Variants in TXLNG observed in about 807,000 individuals in gnomAD.
TXLNG encodes gamma-taxilin.
In TXLNG, 5 loss-of-function variants were observed where a neutral mutation model predicts 38.8. The ratio of observed to expected loss-of-function variants is 0.13; its 90% CI spans 0.07 to 0.27. The LOEUF (loss-of-function observed/expected upper bound fraction) is 0.27. Ranked by LOEUF, TXLNG falls within the 10% of genes least tolerant of loss-of-function variation. The pLI is 1.00. For missense variants in TXLNG, 393 were observed against 398.2 expected (o/e 0.99, Z 0.11); for synonymous variants, 182 against 158.2 (o/e 1.15, Z -1.13).
At position 16,797,011 on chromosome X, in the gene TXLNG, C is replaced by T. The variant is rs374585728; in HGVS notation, c.102+10422C>T. 9.0e-5 allele frequency among the ~76,000 whole-genome samples: 10 copies of T among 111,484 alleles called. No individual in the cohort carries two copies. The East Asian group carries it at 2.2e-3, about 25-fold the overall frequency. On this transcript the variant is annotated intron_variant, in intron 1 of 9. Coordinates refer to ENST00000380122, the MANE Select transcript of TXLNG (RefSeq NM_018360.3). ...TTAAAAAATGAAATGAGGCTGGGCG[C>T]GGTGGCTCATGTCTGTAATCCCAGC...
Position 16,801,135 on chromosome X carries a change from C to T in TXLNG, c.102+14546C>T, listed in dbSNP as rs773891362. Among the ~76,000 whole-genome samples, 8 of 112,539 alleles carry T rather than the reference C, an allele frequency of 7.1e-5. No individual in the cohort carries two copies. In the East Asian group the frequency reaches 1.7e-3, roughly 24 times the overall value. ...ATGCTTCCTGTACAGCCAACAGAAC[C>T]GTGAGCCAGTTAAGCCTCTTTTCTT... is the stretch of plus-strand genomic sequence containing the variant. On this transcript the variant is annotated intron_variant, in intron 1 of 9. Transcript: ENST00000380122.
intron 6 of TXLNG, among the ~76,000 whole-genome samples, chrX:16,833,406 C>CA (rs1345734326): frequency 1.8e-5 from 2 of 111,747 alleles, no homozygotes; most frequent in Non-Finnish European, 3.8e-5. Flanking sequence ...GAAATGATTG[C>CA]AATAATGCAG....
At chrX:16,787,704 C>CT (rs1478772509) in intron 1 of TXLNG, among the ~76,000 whole-genome samples, 1 of 111,659 alleles carries the variant, frequency 9.0e-6, no homozygotes, top group Non-Finnish European at 1.9e-5. Context: ...AACCCCATCT[C>CT]TTTTTTTCCT....
chrX:16,843,482 C>T lies in TXLNG; in HGVS notation c.*1716C>T, dbSNP rs1428044331. 1 of 111,935 alleles carries T rather than the reference C, an allele frequency of 8.9e-6. No individual in the cohort carries two copies. Among genetic ancestry groups the T allele is most frequent in the Non-Finnish European group, 1.9e-5 (1 of 53,178 alleles). 9.2% of individuals were successfully genotyped at this position (111,935 alleles called of 1,213,427 possible). On this transcript the variant is annotated 3_prime_UTR_variant, in exon 10 of 10. Transcript: ENST00000380122. ...GCAAAAAACACCACCCTCCAACAGC[C>T]TCTTAGGAGTACACCCTGTTCTGCT...
At chrX:16,831,357 G>C (rs1277759870) in intron 5 of TXLNG, among the ~76,000 whole-genome samples, 2 of 112,499 alleles carry the variant, frequency 1.8e-5, no homozygotes, top group African/African-American at 6.5e-5. Context: ...CACCACCACT[G>C]TACTCATGGC....
intron 1 of TXLNG, among the ~76,000 whole-genome samples, chrX:16,802,486 G>A (rs1371048274): frequency 1.8e-5 from 2 of 109,451 alleles, no homozygotes; most frequent in African/African-American, 6.7e-5. Context: ...CCTGACCTCA[G>A]GTGATCCGTC....
intron 1 of TXLNG, among the ~76,000 whole-genome samples, chrX:16,802,078 C>T (rs1172872545): frequency 5.7e-5 from 6 of 105,847 alleles, no homozygotes; most frequent in African/African-American, 3.5e-5. Flanking sequence ...CTCAGCCTCC[C>T]GAGTAGCTGG....
At chrX:16,818,335 A>C (rs192773135) in intron 1 of TXLNG, among the ~76,000 whole-genome samples, 1 of 111,929 alleles carries the variant, frequency 8.9e-6, no homozygotes, top group East Asian at 2.8e-4. Context: ...TTTATAACTA[A>C]ATGGGTTTCT....
At chrX:16,787,600 G>T (rs999047028) in intron 1 of TXLNG, among the ~76,000 whole-genome samples, 1 of 110,420 alleles carries the variant, frequency 9.1e-6, no homozygotes, top group African/African-American at 3.3e-5. Context: ...GAGCTCAGTG[G>T]GTGGAGTTTG....
chrX:16,813,637 CAAAA>C (rs150200590), intron 1 of TXLNG, among the ~76,000 whole-genome samples: 1 of 44,258 alleles, frequency 2.3e-5, no homozygotes. Context: ...ACCTCGTCTC[CAAAA>C]AAAAAAAAAA....
chrX:16,839,807 A>T lies in TXLNG; in HGVS notation c.1153-14A>T. 1.8e-6 allele frequency: 2 copies of T among 1,119,087 alleles called. No individual in the cohort carries two copies. The highest frequency in any genetic ancestry group is 2.4e-6 in the Non-Finnish European group (2 of 820,479). 92.2% of individuals were successfully genotyped at this position (1,119,087 alleles called of 1,213,427 possible). On this transcript the variant is annotated splice_polypyrimidine_tract_variant and intron_variant, in intron 8 of 9. Coordinates refer to ENST00000380122, the MANE Select transcript of TXLNG (RefSeq NM_018360.3). ...AAGGGAACTTAGAATTTAAATGTGC[A>T]ATTGTATTCACAGATGACAAAGAAA...
In TXLNG at chrX:16,834,286, T is replaced by C; in HGVS notation, c.988T>C (p.Leu330=). ...CCAGAATGTTTCTGTTTTCTAGTTATTAAAAGAAGCGACAGAATCGAGGCA... is the reference window on the plus strand; with the variant it reads ...CCAGAATGTTTCTGTTTTCTAGTTACTAAAAGAAGCGACAGAATCGAGGCA... The part of the protein sequence containing the change: ...EKHQREREFL[L]KEATESRHKY... Residue 330 remains leucine, a synonymous_variant, in exon 7 of 10, where the codon TTA becomes CTA. Coordinates refer to ENST00000380122, the MANE Select transcript of TXLNG (RefSeq NM_018360.3). 8.3e-7 allele frequency: 1 copy of C among 1,205,811 alleles called. No homozygotes were observed. The highest frequency in any genetic ancestry group is 1.8e-5 in the South Asian group (1 of 55,499).
chrX:16,795,956 G>GT (rs1482360873), intron 1 of TXLNG, among the ~76,000 whole-genome samples: 5 of 108,808 alleles, frequency 4.6e-5, no homozygotes, highest in Non-Finnish European at 7.6e-5. Context: ...GGGATTACAG[G>GT]TATGCGCCAC....
chrX:16,841,534 TG>T lies in TXLNG; in HGVS notation c.1357del (p.Glu453LysfsTer3). ...GAAAGGAATGAGCTCAATGAGAAGG[TG>T]GAAGTCCTGAAAGAGCAGGTATCCA... ...QTERNELNEK[V>X]EVLKEQVSIK... On this transcript the variant is annotated frameshift_variant, in exon 10 of 10. Transcript: ENST00000380122. LOFTEE classifies it low-confidence loss of function (END_TRUNC). 1 of 1,211,331 alleles carries T rather than the reference TG, an allele frequency of 8.3e-7. No individual in the cohort carries two copies. Among genetic ancestry groups the T allele is most frequent in the Non-Finnish European group, 1.1e-6 (1 of 895,422 alleles).
chrX:16,801,521 A>G (rs763065582), intron 1 of TXLNG, among the ~76,000 whole-genome samples: 2 of 111,844 alleles, frequency 1.8e-5, no homozygotes, highest in South Asian at 7.4e-4. Context: ...AGAATGGCCT[A>G]ACACACCTCC....
chrX:16,838,040 G>C (rs989399357), intron 8 of TXLNG, among the ~76,000 whole-genome samples: 2 of 111,631 alleles, frequency 1.8e-5, no homozygotes, highest in Non-Finnish European at 3.8e-5. Context: ...ATTAACTATT[G>C]AAAGACATCC....
At chrX:16,812,684 G>A (rs1440273570) in intron 1 of TXLNG, among the ~76,000 whole-genome samples, 1 of 99,974 alleles carries the variant, frequency 1.0e-5, no homozygotes, top group African/African-American at 3.7e-5. Flanking sequence ...GAGCCACTGC[G>A]GCCAGCCTTT....
intron 1 of TXLNG, among the ~76,000 whole-genome samples, chrX:16,800,514 C>T (rs1308398013): frequency 9.4e-6 from 1 of 106,836 alleles, no homozygotes; most frequent in Admixed American, 1.0e-4. Context: ...TCCCAAAGTG[C>T]TGGAATTACA....
intron 1 of TXLNG, among the ~76,000 whole-genome samples, chrX:16,792,771 C>A (rs1347800759): frequency 1.9e-5 from 2 of 106,746 alleles, no homozygotes; most frequent in Non-Finnish European, 3.8e-5. Context: ...AGAGTGAGAT[C>A]CTGTCTCTAA....
Sources: gnomAD v4.1 joint callset for allele counts (sites outside exome capture counted in the v4.1 genomes callset) on GRCh38, gnomAD v4.1.1 for gene constraint, MANE v1.5 for transcripts, NCBI Gene and HGNC (gene_info 2026-07-23, HGNC 2026-07-21) for gene names.